SLCO1B3: variants seen among roughly 807,000 people sequenced by gnomAD.
SLCO1B3 encodes the protein solute carrier organic anion transporter family member 1B3.
In SLCO1B3, 72 loss-of-function variants were observed where a neutral mutation model predicts 71.8. That is an observed-to-expected ratio of 1.00 (90% CI 0.83 to 1.22). SLCO1B3 has a LOEUF of 1.22. Among genes scored for constraint, SLCO1B3 ranks in the 50% most tolerant of loss-of-function variants. The pLI is 0.00. For synonymous variants in SLCO1B3, 298 were observed against 278.4 expected (o/e 1.07, Z -0.70); for missense variants, 911 against 819.7 (o/e 1.11, Z -1.36).
At chr12:20,900,787 A>G (rs1272530116) in intron 14 of SLCO1B3, among the ~76,000 whole-genome samples, 3 of 152,190 alleles carry the variant, frequency 2.0e-5, no homozygotes, top group African/African-American at 4.8e-5. Context: ...GAAGGAAGTA[A>G]AACTGGCCAA....
intron 5 of SLCO1B3, among the ~76,000 whole-genome samples, chr12:20,860,473 G>T (rs891325145): frequency 1.3e-5 from 2 of 152,060 alleles, no homozygotes; most frequent in African/African-American, 4.8e-5. Context: ...TCACAGAGCG[G>T]TTAGTATTTT....
At chr12:20,812,819 G>A (rs1283578033) in intron 1 of SLCO1B3, among the ~76,000 whole-genome samples, 1 of 152,024 alleles carries the variant, frequency 6.6e-6, no homozygotes, top group Non-Finnish European at 1.5e-5. Context: ...TTAGTATAAA[G>A]AAAAAGAAAA....
At chr12:20,815,243 C>G (rs1028615801) in intron 2 of SLCO1B3, among the ~76,000 whole-genome samples, 12 of 152,000 alleles carry the variant, frequency 7.9e-5, no homozygotes, top group African/African-American at 2.7e-4. Flanking sequence ...ATTTTTCAAC[C>G]CATTTTGAGT....
intron 15 of SLCO1B3, among the ~76,000 whole-genome samples, chr12:20,913,845 G>A (rs2120466740): frequency 1.3e-5 from 2 of 152,206 alleles, no homozygotes; most frequent in Middle Eastern, 6.8e-3. Flanking sequence ...TCAACCTCCT[G>A]GGCTCAAGAG....
In SLCO1B3 at chr12:20,828,302, T is replaced by TA. The variant is rs33953453; in HGVS notation, c.84+12497dup. Among the ~76,000 whole-genome samples, 146 of 140,740 alleles carry TA rather than the reference T, an allele frequency of 1.0e-3. 1 individual carries two copies. The highest frequency in any genetic ancestry group is 3.6e-3 in the African/African-American group (136 of 37,788). The allele number at this position is 140,740 out of a possible 152,430, so 92.3% of individuals were successfully genotyped here. On this transcript the variant is annotated intron_variant, in intron 3 of 15. Transcript: ENST00000381545. ...GCACCTGTTGTAAGAACTATTTTAG[T>TA]AAAAAAAAAAAAAAAAAGGTAACAC... is the stretch of plus-strand genomic sequence containing the variant.
rs115049299 is a variant in SLCO1B3 at position 20,860,575 on chromosome 12, T to A, written c.360-442T>A. ...TAAATGAATTAGAAATTTGTTTTTA[T>A]TGAGTTTTGAAAAGTCAAGCACTTT... On this transcript the variant is annotated intron_variant, in intron 5 of 15. Coordinates refer to ENST00000381545, the MANE Select transcript of SLCO1B3 (RefSeq NM_019844.4). 8.8e-3 allele frequency among the ~76,000 whole-genome samples: 1,319 copies of A among 150,518 alleles called. 14 individuals carry two copies. The highest frequency in any genetic ancestry group is 0.031 in the African/African-American group (1,244 of 40,360).
At chr12:20,814,797 T>C (rs938984918) in intron 2 of SLCO1B3, among the ~76,000 whole-genome samples, 3 of 151,752 alleles carry the variant, frequency 2.0e-5, no homozygotes, top group African/African-American at 7.3e-5. Context: ...CTCAGGAGGC[T>C]GAGGCAGGAG....
Position 20,880,907 on chromosome 12 carries a change from G to T in SLCO1B3, c.1384G>T (p.Glu462Ter), listed in dbSNP as rs993316831. Residue 462 changes from glutamate to a stop codon, truncating the protein, a stop_gained, in exon 12 of 16, where the codon GAG becomes TAG. Transcript: ENST00000381545. LOFTEE classifies it high-confidence loss of function. Reference sequence around the variant, plus strand: ...TGTACCACTTTCTTATTGCAACTCAGAGTGCAATTGTGATGAAAGTCAGTG... The same window carrying T: ...TGTACCACTTTCTTATTGCAACTCATAGTGCAATTGTGATGAAAGTCAGTG... ...VDVPLSYCNSECNCDESQWEP... is the reference protein window; with the variant it reads ...VDVPLSYCNS 1.2e-6 allele frequency: 2 copies of T among 1,610,286 alleles called. No homozygotes were observed. The highest frequency in any genetic ancestry group is 4.5e-5 in the East Asian group (2 of 44,786).
intron 15 of SLCO1B3, 52 bp from the exon 16 acceptor site, chr12:20,915,952 A>T (rs1591796670): frequency 1.4e-6 from 2 of 1,423,552 alleles, no homozygotes; most frequent in East Asian, 4.6e-5. Flanking sequence ...AAAATGTAAG[A>T]TATTTTACAC....
intron 15 of SLCO1B3, among the ~76,000 whole-genome samples, chr12:20,903,180 G>C (rs899471824): frequency 6.6e-5 from 10 of 152,058 alleles, no homozygotes; most frequent in African/African-American, 2.4e-4. Context: ...TGGAGTGTTG[G>C]AAGACAGAGT....
intron 13 of SLCO1B3, among the ~76,000 whole-genome samples, chr12:20,892,644 G>C (rs1360355150): frequency 1.3e-5 from 2 of 152,108 alleles, no homozygotes; most frequent in Non-Finnish European, 1.5e-5. Context: ...TTTTTCTGCT[G>C]CTTCTACTTT....
At chr12:20,888,324 C>G (rs1803957303) in intron 13 of SLCO1B3, among the ~76,000 whole-genome samples, 1 of 152,038 alleles carries the variant, frequency 6.6e-6, no homozygotes, top group South Asian at 2.1e-4. Flanking sequence ...TATTCCAATT[C>G]ATGAGCGTAG....
At chr12:20,880,737 T>A (rs540072233) in intron 11 of SLCO1B3, 118 bp from the exon 12 acceptor site, 1 of 602,700 alleles carries the variant, frequency 1.7e-6, no homozygotes, top group Non-Finnish European at 2.6e-6. Flanking sequence ...CTCTTCTCTT[T>A]TCCTCTTCTC....
intron 3 of SLCO1B3, among the ~76,000 whole-genome samples, chr12:20,844,137 GTA>G (rs1191529909): frequency 6.6e-6 from 1 of 151,594 alleles, no homozygotes; most frequent in Non-Finnish European, 1.5e-5. Context: ...TAAGTTGTGT[GTA>G]TATATATGTG....
intron 3 of SLCO1B3, among the ~76,000 whole-genome samples, chr12:20,829,453 T>C (rs1591747927): frequency 1.3e-5 from 2 of 152,154 alleles, no homozygotes; most frequent in African/African-American, 2.4e-5. Context: ...CCTTCTTTGT[T>C]TGAAGCAAGT....
intron 3 of SLCO1B3, among the ~76,000 whole-genome samples, chr12:20,824,359 A>G (rs963160452): frequency 1.4e-4 from 22 of 152,168 alleles, no homozygotes; most frequent in Non-Finnish European, 1.8e-4. Flanking sequence ...CTCTCCATGA[A>G]AGGCCTGGAC....
intron 5 of SLCO1B3, among the ~76,000 whole-genome samples, chr12:20,859,990 T>TC (rs2121243519): frequency 6.9e-6 from 1 of 145,142 alleles, no homozygotes; most frequent in East Asian, 2.1e-4. Context: ...GGAGTCTCGC[T>TC]AGTCGCCCAG....
chr12:20,860,315 A>G (rs371490753), intron 5 of SLCO1B3, among the ~76,000 whole-genome samples: 4 of 152,224 alleles, frequency 2.6e-5, no homozygotes, highest in East Asian at 3.9e-4. Flanking sequence ...TAAATTTACT[A>G]TATCTTCGAT....
intron 15 of SLCO1B3, among the ~76,000 whole-genome samples, chr12:20,907,938 C>A (rs1222284545): frequency 2.6e-5 from 4 of 152,044 alleles, no homozygotes; most frequent in Non-Finnish European, 4.4e-5. Context: ...GCAAGATGCT[C>A]CCCAGAATCT....
Sources: gnomAD v4.1 joint callset for allele counts (sites outside exome capture counted in the v4.1 genomes callset) on GRCh38, gnomAD v4.1.1 for gene constraint, MANE v1.5 for transcripts, NCBI Gene and HGNC (gene_info 2026-07-23, HGNC 2026-07-21) for gene names.